Variants in USP6 observed in about 807,000 individuals in gnomAD.
USP6 encodes ubiquitin specific peptidase 6, also known as ubiquitin carboxyl-terminal hydrolase 6.
Under a neutral mutation model 175.7 loss-of-function variants are expected in USP6, and 128 were observed. The ratio of observed to expected loss-of-function variants is 0.73; its 90% CI spans 0.63 to 0.84. USP6 has a LOEUF of 0.84. Ranked by LOEUF, USP6 falls within the 40% of genes least tolerant of loss-of-function variation. The probability of loss-of-function intolerance (pLI) is 0.00; values close to 1 mark genes in which losing one functional copy is unlikely to be tolerated. For missense variants in USP6, 1,498 were observed against 1,760.3 expected (o/e 0.85, Z 2.67); for synonymous variants, 562 against 630.6 (o/e 0.89, Z 1.63).
In USP6 at chr17:5,161,529, G is replaced by A; in HGVS notation, c.2830G>A (p.Asp944Asn). ...QEASIHAQDR[D>N]NCMGYQYPFT... is the part of the protein sequence containing the mutation. ...TCTTTTTGTTCTCTTCTGTTTCAGTGATAACTGTATGGGCTATCAATATCC... is the reference window on the plus strand; with the variant it reads ...TCTTTTTGTTCTCTTCTGTTTCAGTAATAACTGTATGGGCTATCAATATCC... The change falls in exon 32 of 38, where the codon GAT (aspartate) becomes AAT (asparagine). Residue 944 changes from aspartate (D) to asparagine (N), a missense_variant and splice_region_variant. Asp to Asn is a conservative substitution (Grantham distance 23, BLOSUM62 1). Around this residue, in one of 2 missense-constraint regions of USP6, gnomAD observed 1,217 missense variants for 1,500.8 expected, o/e 0.81. Coordinates refer to ENST00000574788, the MANE Select transcript of USP6 (RefSeq NM_001304284.2). 1 of 1,613,698 alleles carries A rather than the reference G, an allele frequency of 6.2e-7. No homozygotes were observed. The highest frequency in any genetic ancestry group is 8.5e-7 in the Non-Finnish European group (1 of 1,179,700).
chr17:5,145,818 T>C (rs4083281), intron 27 of USP6, among the ~76,000 whole-genome samples: 3,030 of 152,250 alleles, frequency 0.02, 190 homozygotes, highest in Admixed American at 0.14. Context: ...ACTCACACTT[T>C]TATGTCAGAT....
At position 5,141,482 on chromosome 17, in the gene USP6, A is replaced by G; in HGVS notation, c.1556A>G (p.Lys519Arg). The G allele has an allele frequency of 6.2e-7, 1 of 1,605,434 alleles. No homozygotes were observed. The highest frequency in any genetic ancestry group is 1.1e-5 in the South Asian group (1 of 88,262). The change falls in exon 23 of 38, where the codon AAA becomes AGA. Residue 519 changes from lysine to arginine, a missense_variant. Physicochemically the swap from Lys to Arg is conservative, Grantham distance 26. Coordinates refer to ENST00000574788, the MANE Select transcript of USP6 (RefSeq NM_001304284.2). ...ATGTCTTTTACAGCAAATAGTAGTA[A>G]AATAGATAGACAAAAGGGTAAGTCT... ...EEMSFTANSSKIDRQKVPTEK... is the reference protein window; with the variant it reads ...EEMSFTANSSRIDRQKVPTEK...
chr17:5,146,256 G>A, intron 28 of USP6, 82 bp downstream of exon 28: 1 of 1,463,288 alleles, frequency 6.8e-7, no homozygotes, highest in South Asian at 1.5e-5. Context: ...CAGTTGTTAG[G>A]TTATGTGACC....
At chr17:5,135,187 C>T (rs2073210770) in intron 15 of USP6, 47 bp from the exon 16 acceptor site, 1 of 1,595,634 alleles carries the variant, frequency 6.3e-7, no homozygotes, top group Admixed American at 1.7e-5. Flanking sequence ...GTGAAACTAA[C>T]AGCATCTGCA....
intron 22 of USP6, among the ~76,000 whole-genome samples, chr17:5,140,388 T>C (rs1242280127): frequency 6.6e-6 from 1 of 152,028 alleles, no homozygotes; most frequent in Admixed American, 6.6e-5. Flanking sequence ...CTGGGAAACA[T>C]AGGTGGACCC....
intron 15 of USP6, chr17:5,134,208 G>A (rs1408705847): frequency 1.7e-6 from 1 of 577,438 alleles, no homozygotes; most frequent in Non-Finnish European, 3.1e-6. Context: ...GAACCCAGGA[G>A]GATCCTGAGG....
At chr17:5,130,969 C>T (rs1199016696) in intron 11 of USP6, among the ~76,000 whole-genome samples, 2 of 152,220 alleles carry the variant, frequency 1.3e-5, no homozygotes, top group Non-Finnish European at 2.9e-5. Flanking sequence ...ACAAGAGGAG[C>T]GGGGCAGCCT....
rs780756552 is a variant in USP6 at position 5,137,153 on chromosome 17, G to A, written c.792G>A (p.Ser264=). 6.6e-5 allele frequency: 106 copies of A among 1,613,482 alleles called. No individual in the cohort carries two copies. The highest frequency in any genetic ancestry group is 4.5e-4 in the South Asian group (41 of 91,076). ...DKEGLCGQCA[S]LGCLLRNLID... is the part of the protein sequence containing the mutation. ...AAGGTCTATGCGGGCAGTGTGCCTC[G>A]TTAGGCTGCCTTCTCCGGAACCTGA... Residue 264 remains serine, a synonymous_variant, in exon 19 of 38, where the codon TCG becomes TCA. Coordinates refer to ENST00000574788, the MANE Select transcript of USP6 (RefSeq NM_001304284.2).
chr17:5,134,277 C>T (rs899368475), intron 15 of USP6: 25 of 418,856 alleles, frequency 6.0e-5, no homozygotes, highest in African/African-American at 3.2e-4. Context: ...CCCTGACCCA[C>T]GGAGACCCAT....
chr17:5,133,773 ACCTT>A, intron 14 of USP6, 110 bp from the exon 15 acceptor site: 1 of 1,251,488 alleles, frequency 8.0e-7, no homozygotes, highest in Middle Eastern at 2.3e-4. Context: ...GCAGAAGGAA[ACCTT>A]CCTTCTTTCC....
At chr17:5,119,328 T>G (rs1232859058) in intron 2 of USP6, among the ~76,000 whole-genome samples, 1 of 152,232 alleles carries the variant, frequency 6.6e-6, no homozygotes, top group Non-Finnish European at 1.5e-5. Context: ...AATTCAGGTT[T>G]ACAAATTGGA....
intron 33 of USP6, among the ~76,000 whole-genome samples, chr17:5,163,551 C>A (rs1199679253): frequency 6.6e-6 from 1 of 152,206 alleles, no homozygotes; most frequent in Non-Finnish European, 1.5e-5. Flanking sequence ...TAGGCCCCAC[C>A]TCCTAACAAC....
chr17:5,139,385 T>C lies in USP6; in HGVS notation c.1209T>C (p.Ala403=), dbSNP rs1449109376. The change falls in exon 22 of 38, where the codon GCT becomes GCC. Residue 403 remains alanine (A), a synonymous_variant. Transcript: ENST00000574788. ...AGTTCCAGCGGCCCATTTGCTCAGC[T>C]TCCCCGCCATGGGCATCTCGTTTTT... The part of the protein sequence containing the change: ...PAQFQRPICS[A]SPPWASRFST... The C allele has an allele frequency of 1.2e-6, 2 of 1,613,214 alleles. No individual in the cohort carries two copies. Among genetic ancestry groups the C allele is most frequent in the East Asian group, 2.2e-5 (1 of 44,882 alleles).
chr17:5,155,672 C>T (rs531718304), intron 31 of USP6, 66 bp downstream of exon 31: 1 of 1,504,278 alleles, frequency 6.6e-7, no homozygotes, highest in East Asian at 2.3e-5. Flanking sequence ...TATATGAATT[C>T]TACATGACAG....
intron 22 of USP6, among the ~76,000 whole-genome samples, chr17:5,140,051 A>C (rs1821721): frequency 0.74 from 112,558 of 151,582 alleles, 42,633 homozygotes; most frequent in Non-Finnish European, 0.81. Context: ...GCCCAGCCCC[A>C]TCCCAGCACC....
At chr17:5,144,258 A>G (rs1181984424) in intron 25 of USP6, among the ~76,000 whole-genome samples, 1 of 151,916 alleles carries the variant, frequency 6.6e-6, no homozygotes, top group Non-Finnish European at 1.5e-5. Flanking sequence ...TATTTTATAC[A>G]TGCTATGTAT....
rs541395373 is a variant in USP6 at position 5,130,618 on chromosome 17, T to C, written c.89T>C (p.Leu30Pro). The change falls in exon 11 of 38, where the codon CTG (leucine) becomes CCG (proline). Residue 30 changes from leucine (L) to proline (P), a missense_variant. Transcript: ENST00000574788. ...GGGTTACAGGGACACCGAGCTGGGC[T>C]GCCAGAGGACAAGGGGCCTGAGCCC... Reference protein sequence around the residue: ...MKYDKGHRAGLPEDKGPEPVG... With the variant: ...MKYDKGHRAGPPEDKGPEPVG... The C allele has an allele frequency of 2.6e-5, 42 of 1,613,892 alleles. No individual in the cohort carries two copies. The South Asian group carries it at 4.6e-4, about 18-fold the overall frequency.
rs755830829 is a variant in USP6 at position 5,142,056 on chromosome 17, A to C, written c.1627A>C (p.Met543Leu). The change falls in exon 24 of 38, where the codon ATG (methionine) becomes CTG (leucine). Residue 543 changes from methionine (M) to leucine (L), a missense_variant. Transcript: ENST00000574788. ...GLSNLGNTCF[M>L]NSSIQCVSNT... ...AAGCAACCTGGGAAACACATGCTTC[A>C]TGAACTCAAGCATCCAGTGCGTTAG... The C allele has an allele frequency of 1.9e-6, 3 of 1,613,814 alleles. No individual in the cohort carries two copies. Among genetic ancestry groups the C allele is most frequent in the African/African-American group, 2.7e-5 (2 of 74,932 alleles).
chr17:5,140,433 C>T (rs2073411296), intron 22 of USP6, among the ~76,000 whole-genome samples: 1 of 152,066 alleles, frequency 6.6e-6, no homozygotes, highest in Non-Finnish European at 1.5e-5. Context: ...ATTAGCCAGG[C>T]ATGGTGGCAT....
Sources: gnomAD v4.1 joint callset for allele counts (sites outside exome capture counted in the v4.1 genomes callset) on GRCh38, gnomAD v4.1.1 for gene constraint, gnomAD v4.1.1 regional missense constraint, MANE v1.5 for transcripts, NCBI Gene and HGNC (gene_info 2026-07-23, HGNC 2026-07-21) for gene names.